The following SEC24D variants were observed in gnomAD, a reference collection of about 807,000 sequenced individuals.
SEC24D encodes protein transport protein Sec24D.
In SEC24D, 69 loss-of-function variants were observed where a neutral mutation model predicts 116.9. The observed-to-expected ratio is 0.59, with a 90% CI of 0.49 to 0.72. SEC24D has a LOEUF of 0.72. Ranked by LOEUF, SEC24D falls within the 30% of genes least tolerant of loss-of-function variation. The pLI, the probability that SEC24D is intolerant of heterozygous loss-of-function variation, is 0.00. For synonymous variants in SEC24D, 405 were observed against 442.8 expected (o/e 0.91, Z 1.07); for missense variants, 1,131 against 1,264.1 (o/e 0.89, Z 1.60).
intron 8 of SEC24D, among the ~76,000 whole-genome samples, chr4:118,775,451 GAA>G (rs1051193208): frequency 6.6e-6 from 1 of 151,970 alleles, no homozygotes; most frequent in Non-Finnish European, 1.5e-5. Context: ...CTGAGAGAGA[GAA>G]AGAATTTCAA....
At chr4:118,758,511 T>C (rs567031289) in intron 10 of SEC24D, 1 of 152,274 alleles carries the variant, frequency 6.6e-6, no homozygotes, top group South Asian at 2.1e-4. Context: ...CGAACATGTT[T>C]TTTAGTTGTT....
intron 6 of SEC24D, among the ~76,000 whole-genome samples, chr4:118,810,901 A>C (rs1729893804): frequency 6.6e-6 from 1 of 152,204 alleles, no homozygotes; most frequent in African/African-American, 2.4e-5. Context: ...CACAGCCTCC[A>C]GTGGGGTAGG....
chr4:118,791,650 G>A (rs758589470), intron 8 of SEC24D, among the ~76,000 whole-genome samples: 10 of 151,876 alleles, frequency 6.6e-5, no homozygotes, highest in Non-Finnish European at 1.2e-4. Flanking sequence ...TCAGCCTGCC[G>A]AGTGCCTGGG....
chr4:118,778,928 C>T (rs1728270637), intron 8 of SEC24D, among the ~76,000 whole-genome samples: 1 of 152,124 alleles, frequency 6.6e-6, no homozygotes, highest in South Asian at 2.1e-4. Context: ...TATAGGAATG[C>T]TTGTGATTTT....
chr4:118,729,109 T>C (rs1397736427), intron 21 of SEC24D: 2 of 152,680 alleles, frequency 1.3e-5, no homozygotes, highest in African/African-American at 4.8e-5. Context: ...TTAGGTGTTA[T>C]AAGTAATCTT....
chr4:118,785,094 A>G (rs1728611565), intron 8 of SEC24D, among the ~76,000 whole-genome samples: 1 of 152,082 alleles, frequency 6.6e-6, no homozygotes, highest in African/African-American at 2.4e-5. Context: ...TAAATACAAG[A>G]TCCTCGCCTT....
At chr4:118,787,098 T>C (rs1011287562) in intron 8 of SEC24D, among the ~76,000 whole-genome samples, 3 of 152,216 alleles carry the variant, frequency 2.0e-5, no homozygotes, top group Non-Finnish European at 4.4e-5. Context: ...GGGATAATAT[T>C]CTGTTCTTCA....
chr4:118,810,113 TGTGTGTG>T (rs1729847587), intron 6 of SEC24D, among the ~76,000 whole-genome samples: 7 of 149,136 alleles, frequency 4.7e-5, no homozygotes, highest in African/African-American at 1.5e-4. Context: ...TGTGTGTGTG[TGTGTGTG>T]TGTGTGTGTG....
chr4:118,790,832 T>C lies in SEC24D; in HGVS notation c.1041+6851A>G, dbSNP rs141096959. Among the ~76,000 whole-genome samples the C allele has an allele frequency of 2.0e-5, 3 of 150,266 alleles. No individual in the cohort carries two copies. In the East Asian group the frequency reaches 5.8e-4, roughly 29 times the overall value. ...TGTACTAAATAAATACTTTGGTAGA[T>C]GTCAAAGCAGCTTATCTCTAAGGAA... On this transcript the variant is annotated intron_variant, in intron 8 of 22. Coordinates refer to ENST00000280551, the MANE Select transcript of SEC24D (RefSeq NM_014822.4).
Position 118,833,748 on chromosome 4 carries a change from G to T in SEC24D, c.-41-11C>A. 8.2e-7 allele frequency: 1 copy of T among 1,217,264 alleles called. No individual in the cohort carries two copies. The highest frequency in any genetic ancestry group is 1.2e-6 in the Non-Finnish European group (1 of 838,714). 75.4% of individuals were successfully genotyped at this position (1,217,264 alleles called of 1,614,324 possible). The stretch of plus-strand genomic sequence containing the variant: ...TTCTACAAAAGAAGTCTGCAACAGA[G>T]AAACAAGAAACATGTTACCAAGACA... On this transcript the variant is annotated splice_polypyrimidine_tract_variant and intron_variant, in intron 1 of 22. Transcript: ENST00000280551.
chr4:118,825,730 C>T (rs1463378028), intron 2 of SEC24D: 1 of 383,904 alleles, frequency 2.6e-6, no homozygotes, highest in Non-Finnish European at 5.0e-6. Flanking sequence ...TCTGCTGTCT[C>T]CACTTGCTTG....
At chr4:118,770,482 A>G (rs960573608) in intron 8 of SEC24D, among the ~76,000 whole-genome samples, 5 of 152,170 alleles carry the variant, frequency 3.3e-5, no homozygotes, top group African/African-American at 1.2e-4. Flanking sequence ...CTGTTCCACA[A>G]CTCCAACCTC....
At chr4:118,814,435 C>A (rs1325746373) in intron 6 of SEC24D, among the ~76,000 whole-genome samples, 4 of 152,200 alleles carry the variant, frequency 2.6e-5, no homozygotes, top group Admixed American at 2.0e-4. Flanking sequence ...TACATGTAAA[C>A]TGAGTGATAA....
chr4:118,802,893 C>T (rs1030873345), intron 7 of SEC24D, among the ~76,000 whole-genome samples: 11 of 152,094 alleles, frequency 7.2e-5, no homozygotes, highest in African/African-American at 2.2e-4. Flanking sequence ...GTATAAAAGA[C>T]GGAAAGTTAC....
intron 7 of SEC24D, among the ~76,000 whole-genome samples, chr4:118,801,491 T>C (rs2095156674): frequency 6.6e-6 from 1 of 152,174 alleles, no homozygotes; most frequent in Non-Finnish European, 1.5e-5. Flanking sequence ...TATTAATATA[T>C]GTAAGTATGC....
intron 2 of SEC24D, among the ~76,000 whole-genome samples, chr4:118,831,421 T>C (rs546201796): frequency 1.4e-4 from 22 of 152,136 alleles, no homozygotes; most frequent in African/African-American, 3.4e-4. Flanking sequence ...CCAGAAAACA[T>C]AGGCTTCCAT....
At chr4:118,736,160 C>G (rs1314460997) in intron 19 of SEC24D, 2 of 151,086 alleles carry the variant, frequency 1.3e-5, no homozygotes, top group Non-Finnish European at 2.9e-5. Context: ...TCCATGCCAC[C>G]ACGCCCAGCT....
At chr4:118,783,138 G>A (rs978504680) in intron 8 of SEC24D, among the ~76,000 whole-genome samples, 1 of 152,182 alleles carries the variant, frequency 6.6e-6, no homozygotes, top group Non-Finnish European at 1.5e-5. Flanking sequence ...CTAATGAGAT[G>A]AACCAGGTAC....
At chr4:118,740,875 GTTATTAAT>G in intron 16 of SEC24D, 58 bp downstream of exon 16, 1 of 1,597,060 alleles carries the variant, frequency 6.3e-7, no homozygotes. Context: ...TTGTTGGCCT[GTTATTAAT>G]TTGAAAAAGA....
Sources: gnomAD v4.1 joint callset for allele counts (sites outside exome capture counted in the v4.1 genomes callset) on GRCh38, gnomAD v4.1.1 for gene constraint, MANE v1.5 for transcripts, NCBI Gene and HGNC (gene_info 2026-07-23, HGNC 2026-07-21) for gene names.